The following DAZAP1 variants were observed in gnomAD, a reference collection of about 807,000 sequenced individuals.
DAZAP1 encodes DAZ associated protein 1.
A neutral mutation model predicts 60.1 loss-of-function variants in DAZAP1; 6 were observed. That is an observed-to-expected ratio of 0.10 (90% CI 0.05 to 0.20). The LOEUF is 0.20. Ranked by LOEUF, DAZAP1 falls within the 10% of genes least tolerant of loss-of-function variation. The pLI is 1.00. For synonymous variants in DAZAP1, 235 were observed against 215.9 expected (o/e 1.09, Z -0.78); for missense variants, 366 against 560.4 (o/e 0.65, Z 3.50).
rs373096733 is a variant in DAZAP1, at chr19:1,432,617, G to A, written c.975G>A (p.Pro325=). Residue 325 remains proline, a synonymous_variant, in exon 11 of 12, where the codon CCG becomes CCA. Coordinates refer to ENST00000233078, the MANE Select transcript of DAZAP1 (RefSeq NM_018959.4). This position sits in a 1 kb window ranked among gnomAD's most constrained non-coding sequence, Gnocchi z 4.9. The part of the protein sequence containing the change: ...TPGAAPLAFP[P]PPSQAAPDMS... ...GGGCAGCACCTCTGGCTTTCCCACC[G>A]CCTCCGTCTCAGGCTGCCCCGGACA... The A allele has an allele frequency of 1.5e-5, 24 of 1,613,548 alleles. No individual in the cohort carries two copies. Among genetic ancestry groups the A allele is most frequent in the Non-Finnish European group, 1.9e-5 (23 of 1,179,962 alleles).
intron 1 of DAZAP1, among the ~76,000 whole-genome samples, chr19:1,408,016 C>T (rs1040464416): frequency 2.2e-4 from 34 of 152,042 alleles, no homozygotes; most frequent in Admixed American, 6.5e-4. Flanking sequence ...CCGCCGCTTC[C>T]CGGCTTCCCG....
chr19:1,425,749 C>T lies in DAZAP1; in HGVS notation c.464-129C>T. The T allele has an allele frequency of 1.4e-6, 1 of 704,894 alleles. No individual in the cohort carries two copies. The highest frequency in any genetic ancestry group is 1.6e-5 in the South Asian group (1 of 61,572). The allele number at this position is 704,894 out of a possible 1,614,324, so 43.7% of individuals were successfully genotyped here. A position where few individuals can be genotyped will look rare whatever the true frequency, so the allele number is the denominator to read the frequency against. On this transcript the variant is annotated intron_variant, in intron 6 of 11. Transcript: ENST00000233078. This position sits in a 1 kb window ranked among gnomAD's most constrained non-coding sequence, Gnocchi z 5.4. ...GGAGGGAGGCAGCTGCCCCAGGGGC[C>T]CGCAGCGCCCCACACACAGCTTAGC...
chr19:1,430,671 C>T (rs2083425572), intron 10 of DAZAP1, among the ~76,000 whole-genome samples: 1 of 151,884 alleles, frequency 6.6e-6, no homozygotes, highest in African/African-American at 2.4e-5. Flanking sequence ...GTCTTAGCCT[C>T]ATACTTCAGG....
rs2083490275 is a variant in DAZAP1 at position 1,432,895 on chromosome 19, C to T, written c.1048+205C>T. 1 of 592,278 alleles carries T rather than the reference C, an allele frequency of 1.7e-6. No individual in the cohort carries two copies. The highest frequency in any genetic ancestry group is 3.0e-6 in the Non-Finnish European group (1 of 338,500). 36.7% of individuals were successfully genotyped at this position (592,278 alleles called of 1,614,324 possible). A position where few individuals can be genotyped will look rare whatever the true frequency, so the allele number is the denominator to read the frequency against. The stretch of plus-strand genomic sequence containing the variant: ...AGAAGGGAGCGTGGGAGTCTTGTCG[C>T]AGCAGAGCACTCGTCATACAGCAGG... On this transcript the variant is annotated intron_variant, in intron 11 of 11. Coordinates refer to ENST00000233078, the MANE Select transcript of DAZAP1 (RefSeq NM_018959.4). This position sits in a 1 kb window ranked among gnomAD's most constrained non-coding sequence, Gnocchi z 4.9.
chr19:1,425,079 A>G lies in DAZAP1; in HGVS notation c.464-799A>G, dbSNP rs1377730812. Among the ~76,000 whole-genome samples the G allele has an allele frequency of 6.6e-6, 1 of 152,202 alleles. No homozygotes were observed. The highest frequency in any genetic ancestry group is 1.5e-5 in the Non-Finnish European group (1 of 68,042). ...ATTTTCTGTTTTGATCCCATGGTGCATCTCGCTCTTGCTGCTGGCAGCAGA... is the reference window on the plus strand; with the variant it reads ...ATTTTCTGTTTTGATCCCATGGTGCGTCTCGCTCTTGCTGCTGGCAGCAGA... On this transcript the variant is annotated intron_variant, in intron 6 of 11. Coordinates refer to ENST00000233078, the MANE Select transcript of DAZAP1 (RefSeq NM_018959.4). This position sits in a 1 kb window ranked among gnomAD's most constrained non-coding sequence, Gnocchi z 5.4.
rs548744925 is a variant in DAZAP1 at position 1,418,098 on chromosome 19, T to G, written c.71-106T>G. 3 of 1,188,984 alleles carry G rather than the reference T, an allele frequency of 2.5e-6. No homozygotes were observed. Among genetic ancestry groups the G allele is most frequent in the Non-Finnish European group, 3.7e-6 (3 of 819,042 alleles). The allele number at this position is 1,188,984 out of a possible 1,614,324, so 73.7% of individuals were successfully genotyped here. On this transcript the variant is annotated intron_variant, in intron 2 of 11. Coordinates refer to ENST00000233078, the MANE Select transcript of DAZAP1 (RefSeq NM_018959.4). This position sits in a 1 kb window ranked among gnomAD's most constrained non-coding sequence, Gnocchi z 5.7. ...CCACCCCCAGTGCAGCATCGCTCGG[T>G]GCGTGGCTGGTGGACTGGAGGAGTG...
At chr19:1,421,352 T>TGCAC in intron 5 of DAZAP1, 94 bp downstream of exon 5, 1 of 1,063,428 alleles carries the variant, frequency 9.4e-7, no homozygotes, top group East Asian at 2.5e-5. Context: ...GAGCCACAGG[T>TGCAC]GCACGGGCCT....
At chr19:1,414,251 C>T (rs967532722) in intron 1 of DAZAP1, among the ~76,000 whole-genome samples, 4 of 152,024 alleles carry the variant, frequency 2.6e-5, no homozygotes, top group Non-Finnish European at 4.4e-5. Context: ...CTCCTGACCT[C>T]AGGTGATCCG....
Position 1,422,308 on chromosome 19 carries a change from T to C in DAZAP1, c.415-40T>C, listed in dbSNP as rs1388238425. The C allele has an allele frequency of 6.2e-6, 10 of 1,600,474 alleles. No homozygotes were observed. The highest frequency in any genetic ancestry group is 8.6e-6 in the Non-Finnish European group (10 of 1,168,064). ...GCCCTCGGAAGACCACCTGTGGTGC[T>C]GGCCCTGGTGTCCGTGCTGACGCCA... On this transcript the variant is annotated intron_variant, in intron 5 of 11. Coordinates refer to ENST00000233078, the MANE Select transcript of DAZAP1 (RefSeq NM_018959.4). The surrounding 1 kb of genome is among the most constrained non-coding windows in gnomAD (Gnocchi z 4.5).
In DAZAP1 at chr19:1,432,956, C is replaced by T. The variant is rs542812676; in HGVS notation, c.1048+266C>T. 42 of 461,912 alleles carry T rather than the reference C, an allele frequency of 9.1e-5. No individual in the cohort carries two copies. The highest frequency in any genetic ancestry group is 1.1e-3 in the Middle Eastern group (2 of 1,762). 28.6% of individuals were successfully genotyped at this position (461,912 alleles called of 1,614,324 possible). A position where few individuals can be genotyped will look rare whatever the true frequency, so the allele number is the denominator to read the frequency against. ...CCTGCATGTGTGGGAACCTGAGTGG[C>T]GACTGGGTCGAGGGAAGTGAGTCGC... On this transcript the variant is annotated intron_variant, in intron 11 of 11. Coordinates refer to ENST00000233078, the MANE Select transcript of DAZAP1 (RefSeq NM_018959.4). The surrounding 1 kb of genome is among the most constrained non-coding windows in gnomAD (Gnocchi z 4.9).
Position 1,423,171 on chromosome 19 carries a change from C to G in DAZAP1, c.463+775C>G, listed in dbSNP as rs1392453225. On this transcript the variant is annotated intron_variant, in intron 6 of 11. Coordinates refer to ENST00000233078, the MANE Select transcript of DAZAP1 (RefSeq NM_018959.4). This position sits in a 1 kb window ranked among gnomAD's most constrained non-coding sequence, Gnocchi z 6.8. ...CGGCCCAGGTCAGTCGGGGCAGCCC[C>G]GAGCGCCAGGTGGCGCCGCAGCATG... Among the ~76,000 whole-genome samples, 1 of 152,252 alleles carries G rather than the reference C, an allele frequency of 6.6e-6. No individual in the cohort carries two copies. Among genetic ancestry groups the G allele is most frequent in the Non-Finnish European group, 1.5e-5 (1 of 68,044 alleles).
chr19:1,418,314 C>G lies in DAZAP1; in HGVS notation c.181C>G (p.Pro61Ala). ...CTTTGGGTTTGTCAAATTTAAAGAC[C>G]CAAACTGTGTGGGGACGGTGCTGGC... Reference protein sequence around the residue: ...RGFGFVKFKDPNCVGTVLASR... With the variant: ...RGFGFVKFKDANCVGTVLASR... Residue 61 changes from proline (P) to alanine (A), a missense_variant, in exon 3 of 12, where the codon CCA becomes GCA. Physicochemically the swap from Pro to Ala is conservative, Grantham distance 27. Coordinates refer to ENST00000233078, the MANE Select transcript of DAZAP1 (RefSeq NM_018959.4). This position sits in a 1 kb window ranked among gnomAD's most constrained non-coding sequence, Gnocchi z 5.7. The G allele has an allele frequency of 6.2e-7, 1 of 1,614,102 alleles. No homozygotes were observed. Among genetic ancestry groups the G allele is most frequent in the East Asian group, 2.2e-5 (1 of 44,878 alleles).
chr19:1,430,259 C>T lies in DAZAP1; in HGVS notation c.768C>T (p.Pro256=). ...YGPPPAGRGA[P]PPPPPFTSYI... is the part of the protein sequence containing the mutation. ...CGCCCCCTGCAGGAAGAGGAGCCCC[C>T]CCGCCACCCCCACCGTTCACCTCCT... The change falls in exon 10 of 12, where the codon CCC becomes CCT. Residue 256 remains proline, a synonymous_variant. Coordinates refer to ENST00000233078, the MANE Select transcript of DAZAP1 (RefSeq NM_018959.4). The T allele has an allele frequency of 7.9e-7, 1 of 1,267,342 alleles. No individual in the cohort carries two copies. Among genetic ancestry groups the T allele is most frequent in the Non-Finnish European group, 1.1e-6 (1 of 896,108 alleles). 78.5% of individuals were successfully genotyped at this position (1,267,342 alleles called of 1,614,324 possible). A position where few individuals can be genotyped will look rare whatever the true frequency, so the allele number is the denominator to read the frequency against.
chr19:1,417,996 T>G (rs73920481), intron 2 of DAZAP1, among the ~76,000 whole-genome samples: 7,273 of 152,278 alleles, frequency 0.048, 546 homozygotes, highest in African/African-American at 0.16. Flanking sequence ...ACTGCTGTGC[T>G]CACTGGCAGC....
rs766657643 is a variant in DAZAP1 at position 1,413,143 on chromosome 19, C to T, written c.30-4357C>T. 7.2e-5 allele frequency among the ~76,000 whole-genome samples: 11 copies of T among 152,224 alleles called. No individual in the cohort carries two copies. In the East Asian group the frequency reaches 1.3e-3, roughly 19 times the overall value. On this transcript the variant is annotated intron_variant, in intron 1 of 11. Coordinates refer to ENST00000233078, the MANE Select transcript of DAZAP1 (RefSeq NM_018959.4). ...CCGTTAACGTCCTCAGTCCACACGC[C>T]GCCAGCCAAGGTGCAGGCTGAGCAA...
At chr19:1,431,609 A>G (rs1363205754) in intron 10 of DAZAP1, among the ~76,000 whole-genome samples, 1 of 152,068 alleles carries the variant, frequency 6.6e-6, no homozygotes, top group East Asian at 1.9e-4. Flanking sequence ...TTGTATTTTT[A>G]GTAGAGAACA....
chr19:1,430,316 C>T lies in DAZAP1; in HGVS notation c.825C>T (p.Pro275=). ...TGTCCACCCCTCCTGGAGGCTTTCC[C>T]CCTCCCCAGGGCTTCCCTCAGGGCT... is the stretch of plus-strand genomic sequence containing the variant. ...YIVSTPPGGF[P]PPQGFPQGYG... Residue 275 remains proline, a synonymous_variant, in exon 10 of 12, where the codon CCC becomes CCT. Transcript: ENST00000233078. 1.3e-6 allele frequency: 2 copies of T among 1,567,744 alleles called. No individual in the cohort carries two copies. Among genetic ancestry groups the T allele is most frequent in the East Asian group, 4.5e-5 (2 of 44,248 alleles).
intron 1 of DAZAP1, among the ~76,000 whole-genome samples, chr19:1,411,264 A>G (rs767586560): frequency 1.4e-4 from 22 of 152,182 alleles, no homozygotes; most frequent in African/African-American, 4.6e-4. Flanking sequence ...TCTGGCCTGG[A>G]TCACTCTGGG....
chr19:1,407,838 C>G (rs1259983958), intron 1 of DAZAP1, 36 bp downstream of exon 1: 40 of 1,061,564 alleles, frequency 3.8e-5, no homozygotes, highest in Admixed American at 5.5e-5. Flanking sequence ...GTCTCCGCCC[C>G]GAGCCCGGCC....
Sources: allele counts gnomAD v4.1 joint callset (sites outside exome capture counted in the v4.1 genomes callset), GRCh38; gene constraint gnomAD v4.1.1; non-coding constraint Gnocchi (gnomAD v3.1); transcripts MANE v1.5; gene names NCBI Gene and HGNC (gene_info 2026-07-23, HGNC 2026-07-21).